ASPM: variants seen among roughly 807,000 people sequenced by gnomAD.
ASPM encodes abnormal spindle-like microcephaly-associated protein.
In ASPM, 256 loss-of-function variants were observed where a neutral mutation model predicts 366.4. That is an observed-to-expected ratio of 0.70 (90% confidence interval 0.63 to 0.77). ASPM has a LOEUF of 0.77. Ranked by LOEUF, ASPM falls within the 30% of genes least tolerant of loss-of-function variation. ASPM has a pLI of 0.00. For synonymous variants in ASPM, 1,414 were observed against 1,342.9 expected, an observed-to-expected ratio of 1.05 and a Z score of -1.16; for missense variants, 4,146 against 4,090.4, an observed-to-expected ratio of 1.01 and a Z score of -0.37.
chr1:197,141,145 T>G (rs910479277), intron 3 of ASPM, among the ~76,000 whole-genome samples: 1 of 152,008 alleles, frequency 6.6e-6, no homozygotes, highest in Non-Finnish European at 1.5e-5. Context: ...TTTTTGTATG[T>G]TCCAAGAGCT....
chr1:197,116,375 T>A (rs1030448407), intron 17 of ASPM, among the ~76,000 whole-genome samples: 3 of 152,156 alleles, frequency 2.0e-5, no homozygotes, highest in Non-Finnish European at 4.4e-5. Context: ...CACATTACCA[T>A]AATAGATGTA....
chr1:197,143,014 A>G lies in ASPM; in HGVS notation c.1238T>C (p.Val413Ala), dbSNP rs794727514. 2 of 1,613,566 alleles carry G rather than the reference A, an allele frequency of 1.2e-6. No individual in the cohort carries two copies. Among genetic ancestry groups the G allele is most frequent in the Non-Finnish European group, 1.7e-6 (2 of 1,179,586 alleles). The change falls in exon 3 of 28, where the codon GTA (valine) becomes GCA (alanine). Residue 413 changes from valine (V) to alanine (A), a missense_variant. Around this residue, in one of 3 missense-constraint regions of ASPM, gnomAD observed 10 missense variants for 27.0 expected, o/e 0.37. Coordinates refer to ENST00000367409, the MANE Select transcript of ASPM (RefSeq NM_018136.5). ...YMCTSQQTCK[V>A]PLSNENSQVP... is the part of the protein sequence containing the mutation. ...TTGAGAATTTTCATTTGATAATGGT[A>G]CTTTACATGTTTGCTGAGATGTACA...
chr1:197,122,417 A>G lies in ASPM; in HGVS notation c.3569T>C (p.Leu1190Pro), dbSNP rs781537691. 5.0e-6 allele frequency: 8 copies of G among 1,613,888 alleles called. No homozygotes were observed. The South Asian group carries it at 7.7e-5, about 16-fold the overall frequency. ...NSSSESDDSS[L>P]DMSLKAFDHE... The stretch of plus-strand genomic sequence containing the variant: ...ATCAAATGCTTTAAGAGACATATCC[A>G]GAGAACTGTCATCAGATTCAGATGA... Residue 1190 changes from leucine (L) to proline (P), a missense_variant, in exon 14 of 28, where the codon CTG becomes CCG. This residue lies in a region of ASPM where 3,624 missense variants were observed against 3,591.7 expected (regional missense o/e 1.01). Coordinates refer to ENST00000367409, the MANE Select transcript of ASPM (RefSeq NM_018136.5).
At chr1:197,117,384 A>G (rs986523377) in intron 17 of ASPM, among the ~76,000 whole-genome samples, 1 of 152,100 alleles carries the variant, frequency 6.6e-6, no homozygotes, top group African/African-American at 2.4e-5. Context: ...TTTCCTTTAC[A>G]TGCCAACTAA....
chr1:197,108,744 GA>G (rs1335638991), intron 17 of ASPM, among the ~76,000 whole-genome samples: 1 of 151,980 alleles, frequency 6.6e-6, no homozygotes, highest in African/African-American at 2.4e-5. Flanking sequence ...GCCAAGGCAG[GA>G]GGATGACTAG....
In ASPM at chr1:197,103,757, G is replaced by T; in HGVS notation, c.5494C>A (p.Gln1832Lys). ...KQQSIAALKI[Q>K]SAFRGYNKRV... ...TTATTATAGCCTCTAAAAGCAGACT[G>T]AATTTTAAGAGCAGCTATAGATTGT... The change falls in exon 18 of 28, where the codon CAG becomes AAG. Residue 1832 changes from glutamine (Q) to lysine (K), a missense_variant. Transcript: ENST00000367409. 1.2e-6 allele frequency: 2 copies of T among 1,612,798 alleles called. No homozygotes were observed. Among genetic ancestry groups the T allele is most frequent in the Non-Finnish European group, 1.7e-6 (2 of 1,179,310 alleles).
intron 16 of ASPM, among the ~76,000 whole-genome samples, chr1:197,119,964 A>AGCCT (rs1161045537): frequency 6.6e-6 from 1 of 152,162 alleles, no homozygotes; most frequent in Non-Finnish European, 1.5e-5. Flanking sequence ...TAACATAGGG[A>AGCCT]GCCTGCTGCT....
chr1:197,092,582 T>G (rs972266614), intron 21 of ASPM, among the ~76,000 whole-genome samples: 1 of 151,916 alleles, frequency 6.6e-6, no homozygotes, highest in Admixed American at 6.6e-5. Flanking sequence ...CAAATCAAAT[T>G]GTTTTGTCTA....
chr1:197,115,200 A>G (rs1657706318), intron 17 of ASPM, among the ~76,000 whole-genome samples: 1 of 152,170 alleles, frequency 6.6e-6, no homozygotes. Context: ...TCCCATTTCA[A>G]GAAACTACTT....
At position 197,101,663 on chromosome 1, in the gene ASPM, G is replaced by T. The variant is rs1486568322; in HGVS notation, c.7588C>A (p.Gln2530Lys). The change falls in exon 18 of 28, where the codon CAA becomes AAA. Residue 2530 changes from glutamine (Q) to lysine (K), a missense_variant. This residue lies in a region of ASPM where 3,624 missense variants were observed against 3,591.7 expected (regional missense o/e 1.01). Transcript: ENST00000367409. The part of the protein sequence containing the change: ...AKLQRENYIR[Q>K]WHSAVVIQAA... ...TGAATAACCACAGCAGAATGCCATT[G>T]TCTGATATAATTTTCTCTTTGTAAT... 1.2e-6 allele frequency: 2 copies of T among 1,612,014 alleles called. No individual in the cohort carries two copies. The highest frequency in any genetic ancestry group is 1.7e-6 in the Non-Finnish European group (2 of 1,179,070).
In ASPM at chr1:197,084,432, A is replaced by AG; in HGVS notation, c.10332-7_10332-6insC. On this transcript the variant is annotated splice_polypyrimidine_tract_variant and splice_region_variant and intron_variant, in intron 27 of 27. Coordinates refer to ENST00000367409, the MANE Select transcript of ASPM (RefSeq NM_018136.5). ...AAACCCAATCTGGCTTAAGTCTGTT[A>AG]AAAAAAAAAAAAAAGTCTGGCATTA... 1 of 498,710 alleles carries AG rather than the reference A, an allele frequency of 2.0e-6. No homozygotes were observed. Among genetic ancestry groups the AG allele is most frequent in the Non-Finnish European group, 2.7e-6 (1 of 370,058 alleles). The allele number at this position is 498,710 out of a possible 1,614,324, so 30.9% of individuals were successfully genotyped here.
chr1:197,104,496 A>T lies in ASPM; in HGVS notation c.4755T>A (p.Thr1585=). 1 of 1,612,720 alleles carries T rather than the reference A, an allele frequency of 6.2e-7. No homozygotes were observed. Among genetic ancestry groups the T allele is most frequent in the Non-Finnish European group, 8.5e-7 (1 of 1,179,354 alleles). Residue 1585 remains threonine (T), a synonymous_variant, in exon 18 of 28, where the codon ACT becomes ACA. Coordinates refer to ENST00000367409, the MANE Select transcript of ASPM (RefSeq NM_018136.5). The part of the protein sequence containing the change: ...DRVRFLNLKK[T]IIKFQAHVRK... Reference sequence around the variant, plus strand: ...TTACATGTGCCTGAAATTTGATAATAGTCTTCTTAAGGTTTAAAAATCGAA... The same window carrying T: ...TTACATGTGCCTGAAATTTGATAATTGTCTTCTTAAGGTTTAAAAATCGAA...
chr1:197,113,204 G>C (rs748573763), intron 17 of ASPM, among the ~76,000 whole-genome samples: 15 of 152,052 alleles, frequency 9.9e-5, no homozygotes, highest in Non-Finnish European at 2.1e-4. Flanking sequence ...TAGACACCGG[G>C]ACTGCTTGAT....
chr1:197,104,905 A>G lies in ASPM; in HGVS notation c.4346T>C (p.Leu1449Ser), dbSNP rs763268459. The change falls in exon 18 of 28, where the codon TTG becomes TCG. Residue 1449 changes from leucine (L) to serine (S), a missense_variant. By Grantham distance (145) the Leu-to-Ser change is moderately radical (BLOSUM62 -2). Coordinates refer to ENST00000367409, the MANE Select transcript of ASPM (RefSeq NM_018136.5). ...ATGCCATTCTCTAAAAGCTCTTTGCAATATTACTGTAGCTTTTACTTGTGA... is the reference window on the plus strand; with the variant it reads ...ATGCCATTCTCTAAAAGCTCTTTGCGATATTACTGTAGCTTTTACTTGTGA... ...MQSQVKATVI[L>S]QRAFREWHLR... 5.6e-6 allele frequency: 9 copies of G among 1,611,480 alleles called. No individual in the cohort carries two copies. In the East Asian group the frequency reaches 2.0e-4, roughly 36 times the overall value.
At position 197,084,563 on chromosome 1, in the gene ASPM, G is replaced by A; in HGVS notation, c.10332-137C>T. ...TTACAAACTGCTCAAAGAGGTGGGA[G>A]AACTTCATATTATTGCCCATCACTA... is the stretch of plus-strand genomic sequence containing the variant. On this transcript the variant is annotated intron_variant, in intron 27 of 27. Transcript: ENST00000367409. 1.8e-5 allele frequency: 12 copies of A among 665,514 alleles called. No homozygotes were observed. In the South Asian group the frequency reaches 1.9e-4, roughly 10 times the overall value. 41.2% of individuals were successfully genotyped at this position (665,514 alleles called of 1,614,324 possible).
intron 4 of ASPM, among the ~76,000 whole-genome samples, chr1:197,137,517 T>C (rs1299699952): frequency 6.6e-6 from 1 of 152,200 alleles, no homozygotes; most frequent in Non-Finnish European, 1.5e-5. Context: ...CATAGCGCTC[T>C]GTCACTCATG....
chr1:197,101,676 T>C lies in ASPM; in HGVS notation c.7575A>G (p.Glu2525=), dbSNP rs1413655069. Residue 2525 remains glutamate (E), a synonymous_variant, in exon 18 of 28, where the codon GAA becomes GAG. Coordinates refer to ENST00000367409, the MANE Select transcript of ASPM (RefSeq NM_018136.5). ...CAGAATGCCATTGTCTGATATAATT[T>C]TCTCTTTGTAATTTTGCAGCTCTAT... The part of the protein sequence containing the change: ...RTYRAAKLQR[E]NYIRQWHSAV... The C allele has an allele frequency of 6.2e-7, 1 of 1,612,332 alleles. No individual in the cohort carries two copies. The highest frequency in any genetic ancestry group is 1.3e-5 in the African/African-American group (1 of 74,924).
rs770431814 is a variant in ASPM at position 197,103,947 on chromosome 1, C to T, written c.5304G>A (p.Arg1768=). 1.9e-6 allele frequency: 3 copies of T among 1,612,510 alleles called. No homozygotes were observed. The highest frequency in any genetic ancestry group is 2.2e-5 in the South Asian group (2 of 91,056). Residue 1768 remains arginine (R), a synonymous_variant, in exon 18 of 28, where the codon CGG becomes CGA. Transcript: ENST00000367409. ...CTTTATACATTTTCAGATAATACTG[C>T]CGAGCCTTTCTCATTCTGAAATAAG... ...LQSYFRMRKA[R]QYYLKMYKAI...
chr1:197,116,303 G>T (rs1657734245), intron 17 of ASPM, among the ~76,000 whole-genome samples: 2 of 152,318 alleles, frequency 1.3e-5, no homozygotes, highest in Middle Eastern at 3.4e-3. Flanking sequence ...TTATGGGAAT[G>T]TTGTGGCTGG....
Sources: allele counts gnomAD v4.1 joint callset (sites outside exome capture counted in the v4.1 genomes callset), GRCh38; gene constraint gnomAD v4.1.1; regional missense constraint gnomAD v4.1.1; transcripts MANE v1.5; gene names NCBI Gene and HGNC (gene_info 2026-07-23, HGNC 2026-07-21).